Variants in METTL8 observed in about 807,000 individuals in gnomAD.
METTL8 encodes methyltransferase 8, tRNA N3-cytidine.
In METTL8, 32 loss-of-function variants were observed where a neutral mutation model predicts 48.7. That is an observed-to-expected ratio of 0.66 (90% CI 0.50 to 0.88). METTL8 has a LOEUF of 0.88. Ranked by LOEUF, METTL8 falls within the 40% of genes least tolerant of loss-of-function variation. The pLI is 0.00. For synonymous variants in METTL8, 136 were observed against 157.1 expected (o/e 0.87, Z 1.01); for missense variants, 464 against 474.4 (o/e 0.98, Z 0.20).
chr2:171,344,917 G>A (rs776989495), intron 3 of METTL8, among the ~76,000 whole-genome samples: 8 of 152,196 alleles, frequency 5.3e-5, no homozygotes, highest in Non-Finnish European at 1.5e-5. Flanking sequence ...AGGAATTACT[G>A]CTCTGACCAT....
chr2:171,431,625 C>A (rs2105690113), intron 1 of METTL8, among the ~76,000 whole-genome samples: 1 of 152,318 alleles, frequency 6.6e-6, no homozygotes, highest in Admixed American at 6.5e-5. Flanking sequence ...GACAAGAGCT[C>A]AGGATGCCAC....
At position 171,331,854 on chromosome 2, in the gene METTL8, A is replaced by C. The variant is rs535397478; in HGVS notation, c.670T>G (p.Ser224Ala). ...GCAAAATCACAACAATACAGAAAGG[A>C]CTCCGGAGAGTTCCTATGAAGATGG... ...ILNTLENSPE[S>A]FLYCCDFASG... is the part of the protein sequence containing the mutation. The change falls in exon 6 of 10, where the codon TCC becomes GCC. Residue 224 changes from serine (S) to alanine (A), a missense_variant. By Grantham distance (99) the Ser-to-Ala change is moderately conservative. Coordinates refer to ENST00000375258, the MANE Select transcript of METTL8 (RefSeq NM_001321154.2). 1 of 1,599,688 alleles carries C rather than the reference A, an allele frequency of 6.3e-7. No homozygotes were observed. Among genetic ancestry groups the C allele is most frequent in the African/African-American group, 1.3e-5 (1 of 74,750 alleles).
intron 2 of METTL8, among the ~76,000 whole-genome samples, chr2:171,391,728 G>A (rs1688596827): frequency 6.6e-6 from 1 of 152,102 alleles, no homozygotes; most frequent in Non-Finnish European, 1.5e-5. Flanking sequence ...GCAGGAGGAG[G>A]GCCCCACCTA....
At chr2:171,325,103 C>G (rs564512910) in intron 9 of METTL8, among the ~76,000 whole-genome samples, 3 of 122,836 alleles carry the variant, frequency 2.4e-5, no homozygotes, top group Non-Finnish European at 3.2e-5. Flanking sequence ...GCCTAGGCAA[C>G]AGAGTGAGAC....
chr2:171,381,096 A>G (rs1403497839), intron 2 of METTL8, among the ~76,000 whole-genome samples: 1 of 152,304 alleles, frequency 6.6e-6, no homozygotes, highest in South Asian at 2.1e-4. Context: ...AAACAGAGAA[A>G]TAAGTCCACA....
chr2:171,335,857 T>G (rs1053537095), intron 5 of METTL8, among the ~76,000 whole-genome samples: 6 of 152,156 alleles, frequency 3.9e-5, no homozygotes, highest in African/African-American at 1.4e-4. Context: ...ATTCCCTCCC[T>G]CTCCTTTTCC....
chr2:171,378,344 C>CATGT (rs1199341638), intron 2 of METTL8, among the ~76,000 whole-genome samples: 5 of 152,130 alleles, frequency 3.3e-5, no homozygotes, highest in African/African-American at 1.2e-4. Context: ...CAAAGAAGGG[C>CATGT]ATTACATGGC....
intron 1 of METTL8, among the ~76,000 whole-genome samples, chr2:171,416,851 C>T (rs926513083): frequency 2.0e-5 from 3 of 152,186 alleles, no homozygotes; most frequent in Non-Finnish European, 2.9e-5. Flanking sequence ...CTACTTAGTA[C>T]GCTATTCCAT....
chr2:171,338,672 T>C lies in METTL8; in HGVS notation c.606+512A>G, dbSNP rs986109728. ...AAAAAAAAAAGAAGAAAAAGGTCAC[T>C]AAAATGTTAACAGTGGTGAAATCCT... is the stretch of plus-strand genomic sequence containing the variant. On this transcript the variant is annotated intron_variant, in intron 4 of 9. Transcript: ENST00000375258. Among the ~76,000 whole-genome samples, 4 of 151,080 alleles carry C rather than the reference T, an allele frequency of 2.6e-5. 1 individual carries two copies. The highest frequency in any genetic ancestry group is 7.3e-5 in the African/African-American group (3 of 41,202).
chr2:171,423,651 T>C (rs880001511), intron 1 of METTL8, among the ~76,000 whole-genome samples: 1 of 152,146 alleles, frequency 6.6e-6, no homozygotes, highest in African/African-American at 2.4e-5. Context: ...GCCCTAGAGA[T>C]CTGTGGAACT....
At chr2:171,382,856 C>A (rs1436071626) in intron 2 of METTL8, among the ~76,000 whole-genome samples, 1 of 151,678 alleles carries the variant, frequency 6.6e-6, no homozygotes, top group African/African-American at 2.4e-5. Flanking sequence ...GTGGATCACC[C>A]GAGGTCAGCA....
rs966633108 is a variant in METTL8, at chr2:171,374,952, A to T, written c.144-14439T>A. The T allele has an allele frequency of 1.5e-4, 195 of 1,273,436 alleles. 2 individuals are homozygous for T. In the East Asian group the frequency reaches 3.5e-3, roughly 23 times the overall value. The allele number at this position is 1,273,436 out of a possible 1,614,324, so 78.9% of individuals were successfully genotyped here. On this transcript the variant is annotated intron_variant, in intron 2 of 9. Transcript: ENST00000375258. ...CTCCTTACATGGGCTTTGGTGGGGG[A>T]CGTGGGGCAGCACCCACAGGTCTAA...
rs151161397 is a variant in METTL8, at chr2:171,339,267, T to G, written c.523A>C (p.Asn175His). 6.2e-7 allele frequency: 1 copy of G among 1,612,154 alleles called. No homozygotes were observed. The change falls in exon 4 of 10, where the codon AAC (asparagine) becomes CAC (histidine). Residue 175 changes from asparagine (N) to histidine (H), a missense_variant. By Grantham distance (68) the Asn-to-His change is moderately conservative. Transcript: ENST00000375258. The part of the protein sequence containing the change: ...GQSKTESDFS[N>H]LDSEKHKKGP... ...TTTTTGTGTTTTTCAGAGTCTAGGT[T>G]GGAAAAATCAGATTCTGTTTTGCTT...
At chr2:171,390,803 C>T (rs1559160817) in intron 2 of METTL8, among the ~76,000 whole-genome samples, 1 of 151,996 alleles carries the variant, frequency 6.6e-6, no homozygotes, top group African/African-American at 2.4e-5. Flanking sequence ...CTGTGGAAAT[C>T]ACAACAAAGA....
chr2:171,347,979 C>T (rs1683459516), intron 3 of METTL8, among the ~76,000 whole-genome samples: 1 of 152,184 alleles, frequency 6.6e-6, no homozygotes, highest in Non-Finnish European at 1.5e-5. Context: ...GGAGAACTGG[C>T]TCTACGGAAT....
intron 5 of METTL8, among the ~76,000 whole-genome samples, chr2:171,335,959 T>C (rs1239034796): frequency 1.3e-5 from 2 of 152,170 alleles, no homozygotes; most frequent in South Asian, 2.1e-4. Flanking sequence ...TAAAAAAGAA[T>C]AGAGCTTGGC....
chr2:171,408,607 C>G (rs1690433970), intron 1 of METTL8, among the ~76,000 whole-genome samples: 1 of 152,020 alleles, frequency 6.6e-6, no homozygotes, highest in Non-Finnish European at 1.5e-5. Flanking sequence ...GAATTCTACT[C>G]TTACTGCTCC....
chr2:171,434,519 G>T, upstream of METTL8: 1 of 1,522,794 alleles, frequency 6.6e-7, no homozygotes, highest in South Asian at 1.2e-5. Context: ...TGCCCAGCAC[G>T]GGAGTGTGGG....
At chr2:171,335,233 T>G (rs1485326816) in intron 5 of METTL8, among the ~76,000 whole-genome samples, 1 of 152,118 alleles carries the variant, frequency 6.6e-6, no homozygotes, top group Non-Finnish European at 1.5e-5. Context: ...TAAATGATAG[T>G]AGGAAACTAC....
Sources: allele counts gnomAD v4.1 joint callset (sites outside exome capture counted in the v4.1 genomes callset), GRCh38; gene constraint gnomAD v4.1.1; transcripts MANE v1.5; gene names NCBI Gene and HGNC (gene_info 2026-07-23, HGNC 2026-07-21).